GLCE: variants seen among roughly 807,000 people sequenced by gnomAD.
GLCE encodes D-glucuronyl C5-epimerase.
Under a neutral mutation model 47.9 loss-of-function variants are expected in GLCE, and 19 were observed. The observed-to-expected ratio is 0.40, with a 90% CI of 0.28 to 0.58. The LOEUF (loss-of-function observed/expected upper bound fraction) is 0.58, where lower values mean the gene tolerates loss of function less well. GLCE is among the 20% of genes least tolerant of loss of function. GLCE has a pLI of 0.48. For missense variants in GLCE, 556 were observed against 743.3 expected (o/e 0.75, Z 2.93); for synonymous variants, 245 against 263.4 (o/e 0.93, Z 0.68).
chr15:69,246,100 C>T (rs2052745514), intron 2 of GLCE, among the ~76,000 whole-genome samples: 1 of 152,190 alleles, frequency 6.6e-6, no homozygotes, highest in South Asian at 2.1e-4. Flanking sequence ...TTTCTTTGCT[C>T]ATGCATGAGA....
chr15:69,209,582 G>A (rs2052200559), intron 1 of GLCE, among the ~76,000 whole-genome samples: 2 of 152,040 alleles, frequency 1.3e-5, no homozygotes, highest in African/African-American at 2.4e-5. Flanking sequence ...CAAAGTCTGT[G>A]TATGTTTGTT....
intron 1 of GLCE, among the ~76,000 whole-genome samples, chr15:69,188,206 T>G (rs2051857128): frequency 6.6e-6 from 1 of 152,140 alleles, no homozygotes; most frequent in Non-Finnish European, 1.5e-5. Flanking sequence ...CACTCCAGCT[T>G]GGGCGACAGA....
At chr15:69,246,652 G>A (rs1186105886) in intron 2 of GLCE, among the ~76,000 whole-genome samples, 1 of 151,028 alleles carries the variant, frequency 6.6e-6, no homozygotes, top group Non-Finnish European at 1.5e-5. Context: ...GGAGGCAGAG[G>A]TTGCAGTGAG....
chr15:69,177,652 CTCATGCCCCTTTATTATCTTTACT>C (rs1183031630), intron 1 of GLCE, among the ~76,000 whole-genome samples: 17 of 139,708 alleles, frequency 1.2e-4, no homozygotes, highest in Middle Eastern at 3.3e-3. Context: ...TTATCTTTAC[CTCATGCCCCTTTATTATCTTTACT>C]TCATGCCCCT....
At chr15:69,169,605 C>T (rs189825300) in intron 1 of GLCE, among the ~76,000 whole-genome samples, 2 of 148,220 alleles carry the variant, frequency 1.3e-5, no homozygotes, top group East Asian at 2.1e-4. Flanking sequence ...CAAGTGTTCT[C>T]ATTGTTCAAT....
chr15:69,166,862 G>C (rs944023232), intron 1 of GLCE, among the ~76,000 whole-genome samples: 1 of 133,414 alleles, frequency 7.5e-6, no homozygotes, highest in African/African-American at 2.8e-5. Context: ...GGAGGTTGCA[G>C]TGAGCCGAGA....
At chr15:69,171,675 C>T (rs1216204341) in intron 1 of GLCE, among the ~76,000 whole-genome samples, 1 of 152,138 alleles carries the variant, frequency 6.6e-6, no homozygotes, top group Non-Finnish European at 1.5e-5. Flanking sequence ...GGATTACAGG[C>T]GTGAGCCACC....
At chr15:69,163,806 T>A (rs919328265) in intron 1 of GLCE, among the ~76,000 whole-genome samples, 1 of 152,344 alleles carries the variant, frequency 6.6e-6, no homozygotes. Flanking sequence ...TCAGTCACTA[T>A]GCAAATGGTG....
At chr15:69,186,419 A>G (rs896192890) in intron 1 of GLCE, among the ~76,000 whole-genome samples, 1 of 152,220 alleles carries the variant, frequency 6.6e-6, no homozygotes, top group African/African-American at 2.4e-5. Flanking sequence ...ATGTATATGT[A>G]TCATAATGCT....
Position 69,269,066 on chromosome 15 carries a change from T to C in GLCE, c.1676T>C (p.Ile559Thr). The change falls in exon 5 of 5, where the codon ATC (isoleucine) becomes ACC (threonine). Residue 559 changes from isoleucine (I) to threonine (T), a missense_variant. This residue lies in a region of GLCE where 245 missense variants were observed against 368.1 expected (regional missense o/e 0.67). Coordinates refer to ENST00000261858, the MANE Select transcript of GLCE (RefSeq NM_015554.3). Reference protein sequence around the residue: ...LPLYDTGSGTIYDLRHFMLGI... With the variant: ...LPLYDTGSGTTYDLRHFMLGI... The stretch of plus-strand genomic sequence containing the variant: ...TTGTATGACACTGGCTCAGGAACCA[T>C]CTATGACCTCCGTCACTTCATGCTT... 1 of 1,614,154 alleles carries C rather than the reference T, an allele frequency of 6.2e-7. No individual in the cohort carries two copies. The highest frequency in any genetic ancestry group is 1.1e-5 in the South Asian group (1 of 91,084).
chr15:69,188,512 A>C (rs2051864247), intron 1 of GLCE, among the ~76,000 whole-genome samples: 1 of 152,180 alleles, frequency 6.6e-6, no homozygotes, highest in Non-Finnish European at 1.5e-5. Flanking sequence ...GTTTGTTAGA[A>C]TTGACCAGTG....
chr15:69,227,144 AG>A (rs759069361), intron 2 of GLCE, among the ~76,000 whole-genome samples: 3 of 152,190 alleles, frequency 2.0e-5, no homozygotes, highest in Non-Finnish European at 4.4e-5. Context: ...AACTAAATCA[AG>A]GATGATTTAT....
At position 69,262,237 on chromosome 15, in the gene GLCE, G is replaced by A. The variant is rs148846718; in HGVS notation, c.829+908G>A. 5.9e-5 allele frequency among the ~76,000 whole-genome samples: 9 copies of A among 152,230 alleles called. 1 individual carries two copies. Among genetic ancestry groups the A allele is most frequent in the African/African-American group, 2.2e-4 (9 of 41,526 alleles). The stretch of plus-strand genomic sequence containing the variant: ...AGTAATGAATTTATGAGTACTGAAT[G>A]CAGTGCAAATAATAGATGACCTTTA... On this transcript the variant is annotated intron_variant, in intron 4 of 4. Transcript: ENST00000261858.
chr15:69,251,936 T>G (rs1342123711), intron 2 of GLCE, among the ~76,000 whole-genome samples: 1 of 152,202 alleles, frequency 6.6e-6, no homozygotes, highest in African/African-American at 2.4e-5. Context: ...TTTTAGCAAT[T>G]AGCAATAATT....
chr15:69,174,700 A>G (rs2140332964), intron 1 of GLCE, among the ~76,000 whole-genome samples: 1 of 152,328 alleles, frequency 6.6e-6, no homozygotes, highest in South Asian at 2.1e-4. Flanking sequence ...TAAATCTAAA[A>G]TGGAACAGTA....
At chr15:69,219,436 T>C (rs2052350568) in intron 2 of GLCE, among the ~76,000 whole-genome samples, 1 of 152,118 alleles carries the variant, frequency 6.6e-6, no homozygotes. Context: ...GTTGTAATAC[T>C]AAGTAGTATA....
chr15:69,197,375 GAATA>G (rs1458227938), intron 1 of GLCE: 8 of 209,420 alleles, frequency 3.8e-5, no homozygotes, highest in African/African-American at 1.8e-4. Context: ...TACACTACAG[GAATA>G]AATAAACTTA....
At chr15:69,225,706 C>A (rs1429978444) in intron 2 of GLCE, among the ~76,000 whole-genome samples, 1 of 152,170 alleles carries the variant, frequency 6.6e-6, no homozygotes, top group Non-Finnish European at 1.5e-5. Context: ...TATTTCCTAA[C>A]ATTTACTGAG....
intron 4 of GLCE, among the ~76,000 whole-genome samples, chr15:69,267,740 G>GGTGT (rs2053105442): frequency 2.0e-5 from 3 of 151,990 alleles, no homozygotes. Context: ...AAAGCCCTTA[G>GGTGT]AACATAGTAA....
Sources: allele counts gnomAD v4.1 joint callset (sites outside exome capture counted in the v4.1 genomes callset), GRCh38; gene constraint gnomAD v4.1.1; regional missense constraint gnomAD v4.1.1; transcripts MANE v1.5; gene names NCBI Gene and HGNC (gene_info 2026-07-23, HGNC 2026-07-21).